The following PCDHA12 variants were observed in gnomAD, a reference collection of about 807,000 sequenced individuals.
PCDHA12 encodes the protein protocadherin alpha-12.
Under a neutral mutation model 60.0 loss-of-function variants are expected in PCDHA12, and 44 were observed. The ratio of observed to expected loss-of-function variants is 0.73; its 90% CI spans 0.58 to 0.94. The LOEUF is 0.94. PCDHA12 is among the 40% of genes least tolerant of loss of function. PCDHA12 has a pLI of 0.00. For synonymous variants in PCDHA12, 569 were observed against 553.0 expected, an observed-to-expected ratio of 1.03 and a Z score of -0.40; for missense variants, 1,276 against 1,239.7, an observed-to-expected ratio of 1.03 and a Z score of -0.44.
In PCDHA12 at chr5:140,927,952, G is replaced by C. The variant is rs1352026553; in HGVS notation, c.2367+50113G>C. 6 of 1,614,064 alleles carry C rather than the reference G, an allele frequency of 3.7e-6. No homozygotes were observed. In the African/African-American group the frequency reaches 8.0e-5, roughly 22 times the overall value. On this transcript the variant is annotated intron_variant, in intron 1 of 3. Coordinates refer to ENST00000398631, the MANE Select transcript of PCDHA12 (RefSeq NM_018903.4). ...TTCGAACCCAGTACCTGAGGACGCTGCCCCTGGCACAGTGATTGCTCTCTT... is the reference window on the plus strand; with the variant it reads ...TTCGAACCCAGTACCTGAGGACGCTCCCCCTGGCACAGTGATTGCTCTCTT...
intron 1 of PCDHA12, among the ~76,000 whole-genome samples, chr5:140,973,136 C>G (rs2096573800): frequency 6.6e-6 from 1 of 152,168 alleles, no homozygotes; most frequent in Admixed American, 6.5e-5. Context: ...TTTGCATTCA[C>G]TTTCACTTAT....
At position 140,875,411 on chromosome 5, in the gene PCDHA12, T is replaced by C; in HGVS notation, c.-62T>C. ...CAGAAAAGGGTGACTGCTCATAAAA[T>C]ACCTCAGGCAAGCGATCCCTTAAAA... On this transcript the variant is annotated 5_prime_UTR_variant, in exon 1 of 4. Coordinates refer to ENST00000398631, the MANE Select transcript of PCDHA12 (RefSeq NM_018903.4). The C allele has an allele frequency of 6.7e-7, 1 of 1,503,674 alleles. No individual in the cohort carries two copies. The highest frequency in any genetic ancestry group is 8.9e-7 in the Non-Finnish European group (1 of 1,128,636). 93.1% of individuals were successfully genotyped at this position (1,503,674 alleles called of 1,614,324 possible). A position where few individuals can be genotyped will look rare whatever the true frequency, so the allele number is the denominator to read the frequency against.
chr5:140,879,539 A>G (rs1554170849), intron 1 of PCDHA12, among the ~76,000 whole-genome samples: 1 of 152,238 alleles, frequency 6.6e-6, no homozygotes, highest in Non-Finnish European at 1.5e-5. Flanking sequence ...CAACTCCTTT[A>G]GAGAAAAAAA....
intron 1 of PCDHA12, among the ~76,000 whole-genome samples, chr5:140,886,602 C>T (rs1167539535): frequency 6.6e-6 from 1 of 151,756 alleles, no homozygotes; most frequent in Non-Finnish European, 1.5e-5. Flanking sequence ...CCAAGGTGGG[C>T]GGATCAGGAG....
At chr5:140,959,494 T>G (rs2153722388) in intron 1 of PCDHA12, among the ~76,000 whole-genome samples, 1 of 152,286 alleles carries the variant, frequency 6.6e-6, no homozygotes, top group South Asian at 2.1e-4. Flanking sequence ...TATATATGGA[T>G]CAAACTAAAA....
intron 1 of PCDHA12, among the ~76,000 whole-genome samples, chr5:140,901,699 A>G (rs1373176124): frequency 6.6e-6 from 1 of 152,124 alleles, no homozygotes; most frequent in East Asian, 1.9e-4. Context: ...TTGTAGTTCT[A>G]TATACATTTT....
chr5:140,944,095 A>AT (rs2093609322), intron 1 of PCDHA12, among the ~76,000 whole-genome samples: 1 of 152,250 alleles, frequency 6.6e-6, no homozygotes. Context: ...GAGTAAGTTT[A>AT]TATCTCATGG....
chr5:141,000,734 T>A (rs1221425075), intron 3 of PCDHA12, among the ~76,000 whole-genome samples: 4 of 150,588 alleles, frequency 2.7e-5, no homozygotes, highest in Non-Finnish European at 4.4e-5. Flanking sequence ...GGCCCCTATC[T>A]CTGTATATTA....
At chr5:140,940,822 A>G (rs1446773813) in intron 1 of PCDHA12, among the ~76,000 whole-genome samples, 9 of 152,200 alleles carry the variant, frequency 5.9e-5, no homozygotes, top group Admixed American at 3.9e-4. Context: ...GAGATCTTGG[A>G]TGGAAATACC....
At chr5:140,945,024 A>G (rs1554216669) in intron 1 of PCDHA12, among the ~76,000 whole-genome samples, 1 of 152,122 alleles carries the variant, frequency 6.6e-6, no homozygotes, top group Non-Finnish European at 1.5e-5. Flanking sequence ...TTTTACTCAG[A>G]CATAATTATC....
chr5:140,982,441 T>G (rs368663739), intron 2 of PCDHA12, 34 bp from the exon 3 acceptor site: 18 of 1,613,728 alleles, frequency 1.1e-5, no homozygotes, highest in Non-Finnish European at 1.5e-5. Flanking sequence ...GAATTTATGA[T>G]CTAACCGTTA....
intron 1 of PCDHA12, among the ~76,000 whole-genome samples, chr5:140,944,227 G>A (rs1472509213): frequency 6.6e-6 from 1 of 152,046 alleles, no homozygotes; most frequent in Non-Finnish European, 1.5e-5. Flanking sequence ...TTACTCTGTC[G>A]CTCAGGCTGG....
At chr5:140,966,232 C>A (rs1353392797) in intron 1 of PCDHA12, 14 of 285,432 alleles carry the variant, frequency 4.9e-5, no homozygotes, top group African/African-American at 2.4e-4. Flanking sequence ...TCCTTAAAGA[C>A]CCGTTAAGCA....
rs782537686 is a variant in PCDHA12, at chr5:140,967,852, C to T, written c.2368-11097C>T. 13 of 1,614,142 alleles carry T rather than the reference C, an allele frequency of 8.1e-6. No homozygotes were observed. The Middle Eastern group carries it at 1.2e-3, about 143-fold the overall frequency. On this transcript the variant is annotated intron_variant, in intron 1 of 3. Transcript: ENST00000398631. ...ACATCGTGGACGTGAATGACAATGC[C>T]CCAGAGGTGGTGCTCACGGACCTGT...
intron 1 of PCDHA12, among the ~76,000 whole-genome samples, chr5:140,935,583 C>T (rs1182817725): frequency 1.3e-5 from 2 of 152,168 alleles, no homozygotes; most frequent in Admixed American, 6.5e-5. Flanking sequence ...AGTTAAGCCA[C>T]CAGCTAGATA....
intron 1 of PCDHA12, among the ~76,000 whole-genome samples, chr5:140,951,817 C>T (rs981107617): frequency 6.6e-6 from 1 of 152,146 alleles, no homozygotes; most frequent in Non-Finnish European, 1.5e-5. Flanking sequence ...CCCTCAAAGT[C>T]TGAACTCATT....
intron 1 of PCDHA12, among the ~76,000 whole-genome samples, chr5:140,964,685 A>G (rs1209867922): frequency 1.3e-5 from 2 of 152,036 alleles, no homozygotes; most frequent in African/African-American, 4.8e-5. Context: ...CAATTTGTGC[A>G]CTTGAGAGAT....
At chr5:140,904,015 A>G (rs1374371306) in intron 1 of PCDHA12, among the ~76,000 whole-genome samples, 1 of 152,234 alleles carries the variant, frequency 6.6e-6, no homozygotes, top group Non-Finnish European at 1.5e-5. Context: ...ACTTTAAAAA[A>G]TAATGGTATA....
At chr5:140,903,616 T>C (rs1053634742) in intron 1 of PCDHA12, among the ~76,000 whole-genome samples, 72 of 152,338 alleles carry the variant, frequency 4.7e-4, no homozygotes, top group African/African-American at 1.7e-3. Context: ...CACATGAATG[T>C]GCATGCATAT....
Sources: gnomAD v4.1 joint callset for allele counts (sites outside exome capture counted in the v4.1 genomes callset) on GRCh38, gnomAD v4.1.1 for gene constraint, MANE v1.5 for transcripts, NCBI Gene and HGNC (gene_info 2026-07-23, HGNC 2026-07-21) for gene names.